The following HPSE2 variants were observed in gnomAD, a reference collection of about 807,000 sequenced individuals.
The protein encoded by HPSE2 is heparanase 2 (inactive), also known as inactive heparanase-2.
HPSE2 carries 38 observed loss-of-function variants against 60.5 expected under a neutral mutation model. That is an observed-to-expected ratio of 0.63 (90% CI 0.48 to 0.82). HPSE2 has a LOEUF of 0.82. Ranked by LOEUF, HPSE2 falls within the 40% of genes least tolerant of loss-of-function variation. HPSE2 has a pLI of 0.00. For synonymous variants in HPSE2, 295 were observed against 293.2 expected, an observed-to-expected ratio of 1.01 and a Z score of -0.06; for missense variants, 713 against 740.4, an observed-to-expected ratio of 0.96 and a Z score of 0.43.
the HPSE2 span, among the ~76,000 whole-genome samples, chr10:99,245,260 T>A: frequency 6.6e-6 from 1 of 152,316 alleles, no homozygotes; most frequent in South Asian, 2.1e-4. Flanking sequence ...TAATAATTTA[T>A]TTGGAGTAGG....
chr10:98,725,236 C>T (rs1344257105), intron 4 of HPSE2, among the ~76,000 whole-genome samples: 2 of 152,162 alleles, frequency 1.3e-5, no homozygotes, highest in Non-Finnish European at 2.9e-5. Context: ...TGACTTCAAA[C>T]TATACTACTA....
intron 9 of HPSE2, among the ~76,000 whole-genome samples, chr10:98,537,094 G>C (rs2133813999): frequency 6.6e-6 from 1 of 152,366 alleles, no homozygotes; most frequent in African/African-American, 2.4e-5. Flanking sequence ...AAGTTAAGGA[G>C]ACTTGGGGAG....
At chr10:99,214,549 A>G (rs566115335) in intron 2 of HPSE2, among the ~76,000 whole-genome samples, 34 of 152,286 alleles carry the variant, frequency 2.2e-4, no homozygotes, top group Admixed American at 6.5e-4. Flanking sequence ...AACAAGTATT[A>G]ACTTTGAAAA....
intron 3 of HPSE2, among the ~76,000 whole-genome samples, chr10:98,918,908 T>A (rs1456264414): frequency 1.3e-5 from 2 of 152,128 alleles, no homozygotes; most frequent in Admixed American, 1.3e-4. Flanking sequence ...ATACAAAGAA[T>A]GTAACTCAAT....
chr10:98,625,984 T>C (rs888313771), intron 7 of HPSE2, among the ~76,000 whole-genome samples: 1 of 151,902 alleles, frequency 6.6e-6, no homozygotes, highest in African/African-American at 2.4e-5. Flanking sequence ...CGGGTGCCTG[T>C]AGTTCCAGCT....
intron 3 of HPSE2, among the ~76,000 whole-genome samples, chr10:98,938,379 C>T (rs1476395779): frequency 6.9e-6 from 1 of 143,934 alleles, no homozygotes; most frequent in African/African-American, 2.8e-5. Context: ...ATAACCAATA[C>T]AGAGAAGTGC....
At chr10:98,482,854 T>C in intron 10 of HPSE2, 72 bp from the exon 11 acceptor site, 3 of 1,515,112 alleles carry the variant, frequency 2.0e-6, no homozygotes, top group East Asian at 4.5e-5. Context: ...AAATAATTTA[T>C]AGACTGTACA....
chr10:99,083,708 C>A (rs991272615), intron 3 of HPSE2, among the ~76,000 whole-genome samples: 7 of 152,262 alleles, frequency 4.6e-5, no homozygotes, highest in African/African-American at 1.7e-4. Flanking sequence ...AGTTCTCTAT[C>A]CCTTCTCAAC....
intron 3 of HPSE2, among the ~76,000 whole-genome samples, chr10:98,887,551 G>A (rs1177128959): frequency 6.6e-6 from 1 of 152,062 alleles, no homozygotes; most frequent in Non-Finnish European, 1.5e-5. Flanking sequence ...GAACATCCGA[G>A]GTGTAGGGGA....
intron 2 of HPSE2, among the ~76,000 whole-genome samples, chr10:99,150,215 G>T (rs1846208543): frequency 6.6e-6 from 1 of 152,136 alleles, no homozygotes; most frequent in Non-Finnish European, 1.5e-5. Context: ...TTGTATTTTT[G>T]TTCTTTATTC....
intron 4 of HPSE2, among the ~76,000 whole-genome samples, chr10:98,723,912 C>A (rs1174920383): frequency 1.3e-5 from 2 of 152,120 alleles, no homozygotes; most frequent in Admixed American, 6.6e-5. Context: ...TTTCAAAAAA[C>A]CAGCTCCTGG....
At chr10:98,785,575 G>T (rs912439706) in intron 3 of HPSE2, among the ~76,000 whole-genome samples, 5 of 118,582 alleles carry the variant, frequency 4.2e-5, no homozygotes, top group African/African-American at 1.7e-4. Context: ...TCTGGTCCTG[G>T]ACTCTTTTTG....
chr10:98,780,066 G>A (rs1190120330), intron 3 of HPSE2, among the ~76,000 whole-genome samples: 2 of 151,998 alleles, frequency 1.3e-5, no homozygotes, highest in Non-Finnish European at 2.9e-5. Flanking sequence ...TTTTCTCTAT[G>A]ACAATAAAAT....
At chr10:99,123,988 G>A (rs1845065596) in intron 3 of HPSE2, among the ~76,000 whole-genome samples, 1 of 152,116 alleles carries the variant, frequency 6.6e-6, no homozygotes, top group Non-Finnish European at 1.5e-5. Context: ...GACCCAGAGT[G>A]GGTAGCTCCT....
At chr10:98,941,044 T>TA (rs555158604) in intron 3 of HPSE2, among the ~76,000 whole-genome samples, 8,873 of 136,526 alleles carry the variant, frequency 0.065, 1,172 homozygotes, top group African/African-American at 0.17. Flanking sequence ...CCCTTCATGC[T>TA]AAAACTCTCA....
At chr10:98,868,121 A>C (rs1307106180) in intron 3 of HPSE2, among the ~76,000 whole-genome samples, 2 of 146,620 alleles carry the variant, frequency 1.4e-5, no homozygotes, top group Non-Finnish European at 3.0e-5. Context: ...AAATAAATAA[A>C]TAAATTGTGG....
chr10:99,261,822 G>T, the HPSE2 span, among the ~76,000 whole-genome samples: 1 of 152,120 alleles, frequency 6.6e-6, no homozygotes, highest in Admixed American at 6.5e-5. Context: ...AACCACAGCA[G>T]TCAGGCATTC....
At chr10:98,623,693 A>G (rs555073663) in intron 7 of HPSE2, among the ~76,000 whole-genome samples, 6 of 152,298 alleles carry the variant, frequency 3.9e-5, no homozygotes, top group Non-Finnish European at 7.4e-5. Context: ...TAAAGTCATG[A>G]ATTTGTAGTA....
chr10:98,830,061 C>A (rs1276491090), intron 3 of HPSE2, among the ~76,000 whole-genome samples: 3 of 152,142 alleles, frequency 2.0e-5, no homozygotes, highest in East Asian at 3.9e-4. Context: ...TTACTTGTTT[C>A]TTTTCTGGCT....
Sources: allele counts gnomAD v4.1 joint callset (sites outside exome capture counted in the v4.1 genomes callset), GRCh38; gene constraint gnomAD v4.1.1; transcripts MANE v1.5; gene names NCBI Gene and HGNC (gene_info 2026-07-23, HGNC 2026-07-21).